The following DNAH10 variants were observed in gnomAD, a reference collection of about 807,000 sequenced individuals.
DNAH10 encodes the protein axonemal beta dynein heavy chain 10.
DNAH10 carries 348 observed loss-of-function variants against 506.6 expected under a neutral mutation model. That is an observed-to-expected ratio of 0.69 (90% CI 0.63 to 0.75). The LOEUF is 0.75. DNAH10 is among the 30% of genes least tolerant of loss of function. The pLI, the probability that DNAH10 is intolerant of heterozygous loss-of-function variation, is 0.00. For missense variants in DNAH10, 5,179 were observed against 5,787.1 expected, an observed-to-expected ratio of 0.89 and a Z score of 3.41; for synonymous variants, 2,059 against 2,198.6, an observed-to-expected ratio of 0.94 and a Z score of 1.78.
chr12:123,811,376 G>A (rs981383036), intron 19 of DNAH10, among the ~76,000 whole-genome samples: 1 of 151,016 alleles, frequency 6.6e-6, no homozygotes, highest in Non-Finnish European at 1.5e-5. Context: ...AGGCTGAAGT[G>A]CAGTGTTGTG....
At chr12:123,794,305 A>G (rs1370505973) in intron 12 of DNAH10, among the ~76,000 whole-genome samples, 193 bp downstream of exon 12, 2 of 152,238 alleles carry the variant, frequency 1.3e-5, no homozygotes. Context: ...TTCAATAAGA[A>G]TTAAGTATAT....
chr12:123,862,375 T>C (rs1951645982), intron 39 of DNAH10, among the ~76,000 whole-genome samples: 1 of 151,984 alleles, frequency 6.6e-6, no homozygotes, highest in Non-Finnish European at 1.5e-5. Context: ...CTCCTCTTCC[T>C]CTTCTTGTTC....
At chr12:123,837,566 C>T (rs193215827) in intron 28 of DNAH10, among the ~76,000 whole-genome samples, 2 of 149,360 alleles carry the variant, frequency 1.3e-5, no homozygotes, top group East Asian at 3.9e-4. Context: ...TAACATTCTA[C>T]AAAATATGAT....
intron 28 of DNAH10, 46 bp downstream of exon 28, chr12:123,835,574 T>C (rs1186563348): frequency 5.1e-6 from 8 of 1,581,866 alleles, no homozygotes; most frequent in Non-Finnish European, 6.9e-6. Context: ...GGGCAGCGAT[T>C]TGAGATATTT....
chr12:123,835,204 G>A (rs181655808), intron 27 of DNAH10, among the ~76,000 whole-genome samples: 149 of 152,286 alleles, frequency 9.8e-4, no homozygotes, highest in Admixed American at 1.6e-3. Flanking sequence ...GAGTGTGGCC[G>A]TTAGTTATGC....
At chr12:123,851,193 G>T (rs571800522) in intron 35 of DNAH10, 117 bp downstream of exon 35, 105 of 1,126,312 alleles carry the variant, frequency 9.3e-5, no homozygotes, top group Admixed American at 3.1e-4. Context: ...GACCTAGGAT[G>T]TGTCAGCTCC....
In DNAH10 at chr12:123,805,215, GC is replaced by G. The variant is rs1213299013; in HGVS notation, c.2987+179del. Among the ~76,000 whole-genome samples the G allele has an allele frequency of 3.3e-3, 502 of 152,154 alleles. 5 individuals carry two copies. Among genetic ancestry groups the G allele is most frequent in the African/African-American group, 0.011 (460 of 41,514 alleles). Reference sequence around the variant, plus strand: ...GGGATGACCTTCATGATCTTGTTAGGCCCCTCAACATTCCAAAAAAGAAAGG... The same window carrying G: ...GGGATGACCTTCATGATCTTGTTAGGCCCTCAACATTCCAAAAAAGAAAGG... On this transcript the variant is annotated intron_variant, in intron 18 of 78. Coordinates refer to ENST00000673944, the MANE Select transcript of DNAH10 (RefSeq NM_001372106.1).
intron 24 of DNAH10, among the ~76,000 whole-genome samples, chr12:123,822,368 A>G (rs1959500163): frequency 6.6e-6 from 1 of 152,116 alleles, no homozygotes; most frequent in South Asian, 2.1e-4. Flanking sequence ...AAAAGGAGTC[A>G]TGTTTGCCCG....
At chr12:123,857,325 A>G in intron 37 of DNAH10, 78 bp downstream of exon 37, 1 of 1,306,666 alleles carries the variant, frequency 7.7e-7, no homozygotes, top group Non-Finnish European at 1.0e-6. Context: ...CTTTAAAAAT[A>G]TATGTACAGT....
chr12:123,915,116 T>C (rs1954412110), intron 62 of DNAH10, 117 bp downstream of exon 62: 1 of 1,364,366 alleles, frequency 7.3e-7, no homozygotes, highest in East Asian at 2.6e-5. Flanking sequence ...CTGAAATGCT[T>C]CCATCCTGAC....
intron 47 of DNAH10, among the ~76,000 whole-genome samples, chr12:123,875,698 T>C (rs1331303564): frequency 6.6e-6 from 1 of 152,220 alleles, no homozygotes. Context: ...GTAATGTATT[T>C]TTATGGAGGA....
At position 123,931,484 on chromosome 12, in the gene DNAH10, T is replaced by A. The variant is rs1198962712; in HGVS notation, c.12916+12T>A. On this transcript the variant is annotated intron_variant, in intron 74 of 78. Coordinates refer to ENST00000673944, the MANE Select transcript of DNAH10 (RefSeq NM_001372106.1). Reference sequence around the variant, plus strand: ...GCAGCCTCAGACAGGTAAACTCTACTCAGGAGGACTTCATTAGTTTGATTG... The same window carrying A: ...GCAGCCTCAGACAGGTAAACTCTACACAGGAGGACTTCATTAGTTTGATTG... The A allele has an allele frequency of 3.1e-6, 5 of 1,612,626 alleles. No individual in the cohort carries two copies. In the South Asian group the frequency reaches 5.5e-5, roughly 18 times the overall value.
chr12:123,885,610 C>A (rs186725399), intron 51 of DNAH10, among the ~76,000 whole-genome samples: 85 of 152,080 alleles, frequency 5.6e-4, no homozygotes, highest in African/African-American at 2.0e-3. Context: ...ATGGAGTTTG[C>A]CTCTTTGGAG....
chr12:123,785,869 A>G lies in DNAH10; in HGVS notation c.1354A>G (p.Met452Val). 2 of 1,614,194 alleles carry G rather than the reference A, an allele frequency of 1.2e-6. No homozygotes were observed. Among genetic ancestry groups the G allele is most frequent in the Non-Finnish European group, 1.7e-6 (2 of 1,180,006 alleles). Reference protein sequence around the residue: ...YNKDERMIPLMERIAWEIAER... With the variant: ...YNKDERMIPLVERIAWEIAER... ...CAAAGACGAGAGGATGATTCCGCTC[A>G]TGGAGCGCATCGCCTGGGAAATCGC... The change falls in exon 9 of 79, where the codon ATG (methionine) becomes GTG (valine). Residue 452 changes from methionine to valine, a missense_variant. By Grantham distance (21) the Met-to-Val change is conservative. This residue lies in a region of DNAH10 where 4,844 missense variants were observed against 5,430.5 expected (regional missense o/e 0.89). Transcript: ENST00000673944. This position sits in a 1 kb window ranked among gnomAD's most constrained non-coding sequence, Gnocchi z 4.1.
rs1555263333 is a variant in DNAH10 at position 123,935,529 on chromosome 12, C to CAGA, written c.*49_*51dup. On this transcript the variant is annotated 3_prime_UTR_variant, in exon 79 of 79. Transcript: ENST00000673944. ...TAATGAATTCGGAGCCTGGGGTTGT[C>CAGA]AGAGTGATCGGGTCTGCTGTCATTT... is the stretch of plus-strand genomic sequence containing the variant. 6.5e-7 allele frequency: 1 copy of CAGA among 1,546,458 alleles called. No individual in the cohort carries two copies.
Position 123,881,679 on chromosome 12 carries a change from G to A in DNAH10, c.8689G>A (p.Asp2897Asn), listed in dbSNP as rs374778777. The A allele has an allele frequency of 7.5e-5, 116 of 1,546,898 alleles. No individual in the cohort carries two copies. The African/African-American group carries it at 1.4e-3, about 18-fold the overall frequency. Reference protein sequence around the residue: ...SNTKMNLVLFDDALEHLTRVH... With the variant: ...SNTKMNLVLFNDALEHLTRVH... The stretch of plus-strand genomic sequence containing the variant: ...CACCAAAATGAACTTGGTTCTCTTC[G>A]ACGATGCTCTGGAGCATTTAACCCG... The change falls in exon 51 of 79, where the codon GAC becomes AAC. Residue 2897 changes from aspartate to asparagine, a missense_variant. Asp to Asn is a conservative substitution (Grantham distance 23). Around this residue, in one of 3 missense-constraint regions of DNAH10, gnomAD observed 4,844 missense variants for 5,430.5 expected, o/e 0.89. Transcript: ENST00000673944.
intron 12 of DNAH10, among the ~76,000 whole-genome samples, chr12:123,795,126 C>T (rs1433941923): frequency 8.2e-6 from 1 of 122,612 alleles, no homozygotes; most frequent in South Asian, 2.5e-4. Context: ...CCAGCCTGGG[C>T]GACGAGTGAA....
rs754862260 is a variant in DNAH10, at chr12:123,934,588, C to G, written c.13478-33C>G. ...ACTCCGTGGCAGGCTGTGCATGCTC[C>G]AGTTGTATCCAGTCTCTGCCTTGTG... On this transcript the variant is annotated intron_variant, in intron 77 of 78. Transcript: ENST00000673944. 17 of 1,610,752 alleles carry G rather than the reference C, an allele frequency of 1.1e-5. No individual in the cohort carries two copies. The Admixed American group carries it at 2.9e-4, about 27-fold the overall frequency.
intron 5 of DNAH10, among the ~76,000 whole-genome samples, 170 bp downstream of exon 5, chr12:123,774,434 A>C (rs1172815560): frequency 1.3e-5 from 2 of 152,230 alleles, no homozygotes; most frequent in Admixed American, 1.3e-4. Context: ...GCGCTAGAGA[A>C]ATTAAAGACA....
Sources: gnomAD v4.1 joint callset for allele counts (sites outside exome capture counted in the v4.1 genomes callset) on GRCh38, gnomAD v4.1.1 for gene constraint, gnomAD v4.1.1 regional missense constraint, Gnocchi (gnomAD v3.1) non-coding constraint, MANE v1.5 for transcripts, NCBI Gene and HGNC (gene_info 2026-07-23, HGNC 2026-07-21) for gene names.